The following SNTG1 variants were observed in gnomAD, a reference collection of about 807,000 sequenced individuals.
SNTG1 encodes syntrophin gamma 1.
Under a neutral mutation model 74.7 loss-of-function variants are expected in SNTG1, and 39 were observed. The observed-to-expected ratio is 0.52, with a 90% CI of 0.40 to 0.68. The LOEUF is 0.68. SNTG1 is among the 30% of genes least tolerant of loss of function. The pLI is 0.00. For missense variants in SNTG1, 685 were observed against 609.5 expected (o/e 1.12, Z -1.30); for synonymous variants, 254 against 217.1 (o/e 1.17, Z -1.49).
intron 13 of SNTG1, among the ~76,000 whole-genome samples, chr8:50,652,953 T>G (rs1255528380): frequency 6.6e-6 from 1 of 152,000 alleles, no homozygotes; most frequent in Non-Finnish European, 1.5e-5. Flanking sequence ...TTGCCTTAGA[T>G]CTACGTTTTC....
At chr8:50,604,707 C>A (rs747484152) in intron 13 of SNTG1, among the ~76,000 whole-genome samples, 3 of 152,122 alleles carry the variant, frequency 2.0e-5, no homozygotes, top group Non-Finnish European at 2.9e-5. Context: ...CTGGATTTAG[C>A]CACCACAATA....
At chr8:50,665,441 T>C (rs749073794) in intron 15 of SNTG1, among the ~76,000 whole-genome samples, 15 of 151,988 alleles carry the variant, frequency 9.9e-5, no homozygotes, top group Non-Finnish European at 1.9e-4. Context: ...TGCATGTATA[T>C]GTATGCAGCT....
intron 2 of SNTG1, among the ~76,000 whole-genome samples, chr8:50,222,336 C>T (rs1175100170): frequency 6.6e-6 from 1 of 152,126 alleles, no homozygotes; most frequent in South Asian, 2.1e-4. Context: ...TAAATTTCTC[C>T]TAGTTAGATT....
intron 8 of SNTG1, among the ~76,000 whole-genome samples, chr8:50,476,986 C>A (rs2093702404): frequency 6.6e-6 from 1 of 151,764 alleles, no homozygotes; most frequent in Admixed American, 6.6e-5. Context: ...ACCATCTGAA[C>A]AAGAAAATAA....
At chr8:50,120,848 A>G (rs2080973769) in intron 1 of SNTG1, among the ~76,000 whole-genome samples, 1 of 142,212 alleles carries the variant, frequency 7.0e-6, no homozygotes, top group Admixed American at 7.3e-5. Context: ...GAGAAATTAT[A>G]TGGTAGATAT....
At chr8:50,619,536 C>T (rs972610263) in intron 13 of SNTG1, among the ~76,000 whole-genome samples, 19 of 152,014 alleles carry the variant, frequency 1.2e-4, no homozygotes, top group African/African-American at 4.6e-4. Context: ...CCGAGACCAT[C>T]CCGGCTAACA....
chr8:50,387,709 A>C (rs1442944930), intron 2 of SNTG1, among the ~76,000 whole-genome samples: 1 of 152,168 alleles, frequency 6.6e-6, no homozygotes, highest in Non-Finnish European at 1.5e-5. Context: ...AATTGAAAAA[A>C]TATGCAATGA....
At chr8:50,583,209 C>G (rs964310951) in intron 12 of SNTG1, among the ~76,000 whole-genome samples, 3 of 151,654 alleles carry the variant, frequency 2.0e-5, no homozygotes, top group African/African-American at 7.3e-5. Flanking sequence ...TCGAGACCAA[C>G]CTGGCCAACA....
intron 1 of SNTG1, among the ~76,000 whole-genome samples, chr8:50,139,657 T>C (rs1379090873): frequency 2.0e-5 from 3 of 152,184 alleles, no homozygotes; most frequent in Non-Finnish European, 2.9e-5. Flanking sequence ...CTCTGGGAGA[T>C]TGAGCAAGGA....
At chr8:49,967,033 C>A (rs930969524) in intron 1 of SNTG1, among the ~76,000 whole-genome samples, 1 of 151,990 alleles carries the variant, frequency 6.6e-6, no homozygotes, top group Admixed American at 6.6e-5. Flanking sequence ...TTGGAGAGCA[C>A]TCTATTAGAA....
intron 8 of SNTG1, among the ~76,000 whole-genome samples, chr8:50,460,861 T>C (rs1369486926): frequency 6.6e-6 from 1 of 152,158 alleles, no homozygotes; most frequent in African/African-American, 2.4e-5. Context: ...GCAAAGATAC[T>C]ACCAAGAATT....
intron 2 of SNTG1, among the ~76,000 whole-genome samples, chr8:50,187,597 G>A (rs2083431050): frequency 6.6e-6 from 1 of 152,054 alleles, no homozygotes; most frequent in Non-Finnish European, 1.5e-5. Flanking sequence ...ATATCAAACT[G>A]CACAAACCCA....
At chr8:49,997,028 G>A (rs1208478830) in intron 1 of SNTG1, among the ~76,000 whole-genome samples, 1 of 152,048 alleles carries the variant, frequency 6.6e-6, no homozygotes, top group African/African-American at 2.4e-5. Flanking sequence ...AATATAATTA[G>A]CTTTTTAAAA....
intron 13 of SNTG1, among the ~76,000 whole-genome samples, chr8:50,652,043 A>G (rs2095150362): frequency 6.6e-6 from 1 of 152,016 alleles, no homozygotes; most frequent in Non-Finnish European, 1.5e-5. Flanking sequence ...AGCCACCACA[A>G]CCGGCCTTAA....
chr8:49,926,386 A>G (rs1807030660), intron 1 of SNTG1, among the ~76,000 whole-genome samples: 1 of 152,154 alleles, frequency 6.6e-6, no homozygotes. Context: ...ACTGGAGCAT[A>G]TATTGTGCCA....
chr8:50,054,984 G>T (rs1266753373), intron 1 of SNTG1, among the ~76,000 whole-genome samples: 1 of 152,032 alleles, frequency 6.6e-6, no homozygotes, highest in Non-Finnish European at 1.5e-5. Flanking sequence ...AGTGAACTAG[G>T]CCTTCAATTT....
At chr8:49,984,968 A>C (rs1467555986) in intron 1 of SNTG1, among the ~76,000 whole-genome samples, 1 of 152,140 alleles carries the variant, frequency 6.6e-6, no homozygotes, top group Admixed American at 6.5e-5. Context: ...ACCAATTTCC[A>C]GAAGGAAAAT....
chr8:50,364,732 T>C (rs1339905171), intron 2 of SNTG1, among the ~76,000 whole-genome samples: 1 of 152,044 alleles, frequency 6.6e-6, no homozygotes, highest in Non-Finnish European at 1.5e-5. Context: ...ATAAAAAATA[T>C]TTAAAAATAC....
upstream of SNTG1, chr8:49,910,857 T>G (rs2129331886): frequency 6.6e-6 from 1 of 152,450 alleles, no homozygotes; most frequent in South Asian, 2.1e-4. Context: ...TATCCCGTCC[T>G]TTGTGAAATA....
Sources: allele counts gnomAD v4.1 joint callset (sites outside exome capture counted in the v4.1 genomes callset), GRCh38; gene constraint gnomAD v4.1.1; transcripts MANE v1.5; gene names NCBI Gene and HGNC (gene_info 2026-07-23, HGNC 2026-07-21).